FAH: variants seen among roughly 807,000 people sequenced by gnomAD.
The protein encoded by FAH is fumarylacetoacetase.
A neutral mutation model predicts 55.8 loss-of-function variants in FAH; 47 were observed. That is an observed-to-expected ratio of 0.84 (90% CI 0.67 to 1.07). The LOEUF is 1.07. Among genes scored for constraint, FAH ranks in the 50% least tolerant of loss-of-function variants. FAH has a pLI of 0.00. For synonymous variants in FAH, 199 were observed against 207.7 expected (o/e 0.96, Z 0.36); for missense variants, 495 against 545.9 (o/e 0.91, Z 0.93).
intron 13 of FAH, among the ~76,000 whole-genome samples, chr15:80,184,755 A>C (rs565150810): frequency 1.3e-5 from 2 of 152,314 alleles, no homozygotes; most frequent in South Asian, 2.1e-4. Flanking sequence ...GGACAGCCTC[A>C]CTGAACAGAT....
At position 80,165,700 on chromosome 15, in the gene FAH, C is replaced by T. The variant is rs2142096172; in HGVS notation, c.456-2352C>T. On this transcript the variant is annotated intron_variant, in intron 5 of 13. Coordinates refer to ENST00000561421, the MANE Select transcript of FAH (RefSeq NM_000137.4). ...ACAGAGCGAGACTCTGTCTCAAACCCCACCCCCCACCAAAAAAAAAAAAAG... is the reference window on the plus strand; with the variant it reads ...ACAGAGCGAGACTCTGTCTCAAACCTCACCCCCCACCAAAAAAAAAAAAAG... Among the ~76,000 whole-genome samples, 5 of 151,140 alleles carry T rather than the reference C, an allele frequency of 3.3e-5. No homozygotes were observed. The Middle Eastern group carries it at 0.01, about 308-fold the overall frequency.
intron 9 of FAH, 23 bp from the exon 10 acceptor site, chr15:80,174,993 T>C: frequency 6.2e-7 from 1 of 1,612,782 alleles, no homozygotes; most frequent in Non-Finnish European, 8.5e-7. Flanking sequence ...CAGTGACCTC[T>C]GTGCTGTGCT....
At chr15:80,166,113 A>G (rs2041189483) in intron 5 of FAH, 1 of 152,052 alleles carries the variant, frequency 6.6e-6, no homozygotes, top group Non-Finnish European at 1.5e-5. Context: ...AATCGGTGTC[A>G]TACATATATT....
At chr15:80,159,550 C>G (rs1312948810) in intron 2 of FAH, among the ~76,000 whole-genome samples, 1 of 152,094 alleles carries the variant, frequency 6.6e-6, no homozygotes, top group Non-Finnish European at 1.5e-5. Context: ...TGCAGGTGCA[C>G]GAGGGCCTGA....
intron 2 of FAH, among the ~76,000 whole-genome samples, chr15:80,158,392 G>C (rs977885160): frequency 1.3e-5 from 2 of 152,174 alleles, no homozygotes; most frequent in Non-Finnish European, 2.9e-5. Context: ...GAGTTCCTAG[G>C]TGAAAAAAGT....
At chr15:80,180,805 A>T (rs973158851) in intron 12 of FAH, among the ~76,000 whole-genome samples, 1 of 152,136 alleles carries the variant, frequency 6.6e-6, no homozygotes, top group African/African-American at 2.4e-5. Flanking sequence ...GGATTCACTG[A>T]TTCCTAAACA....
chr15:80,184,060 G>A (rs1264514720), intron 13 of FAH, among the ~76,000 whole-genome samples: 2 of 152,198 alleles, frequency 1.3e-5, no homozygotes, highest in East Asian at 3.9e-4. Context: ...AAAAATCTCT[G>A]ATCGTCTTGG....
chr15:80,162,645 T>A, intron 5 of FAH: 1 of 435,152 alleles, frequency 2.3e-6, no homozygotes, highest in Non-Finnish European at 4.3e-6. Flanking sequence ...TATTGTACTA[T>A]GGGCAAGTCT....
chr15:80,175,661 C>T (rs1051681345), intron 10 of FAH, among the ~76,000 whole-genome samples: 13 of 152,360 alleles, frequency 8.5e-5, no homozygotes, highest in East Asian at 3.9e-4. Flanking sequence ...CCCGCCTCCG[C>T]GAACAGGCCC....
At chr15:80,174,128 C>T (rs1005093990) in intron 9 of FAH, among the ~76,000 whole-genome samples, 41 of 152,190 alleles carry the variant, frequency 2.7e-4, no homozygotes, top group African/African-American at 9.4e-4. Context: ...CCACAGCACC[C>T]CCTGCCCACC....
In FAH at chr15:80,172,178, G is replaced by A. The variant is rs765723844; in HGVS notation, c.636G>A (p.Leu212=). The change falls in exon 8 of 14, where the codon TTG becomes TTA. Residue 212 remains leucine, a synonymous_variant. Coordinates refer to ENST00000561421, the MANE Select transcript of FAH (RefSeq NM_000137.4). The stretch of plus-strand genomic sequence containing the variant: ...TTTTTGTAGGCCCTGGAAACAGATT[G>A]GGAGAGCCGATCCCCATTTCCAAGG... ...MAFFVGPGNR[L]GEPIPISKAH... 1 of 1,614,094 alleles carries A rather than the reference G, an allele frequency of 6.2e-7. No individual in the cohort carries two copies. Among genetic ancestry groups the A allele is most frequent in the South Asian group, 1.1e-5 (1 of 91,068 alleles).
chr15:80,160,948 TC>T (rs1567115361), intron 4 of FAH, among the ~76,000 whole-genome samples: 1 of 152,192 alleles, frequency 6.6e-6, no homozygotes, highest in East Asian at 1.9e-4. Context: ...ACAGCCCTCT[TC>T]CTTGTGCACA....
chr15:80,173,235 CCAT>C, intron 9 of FAH, 91 bp downstream of exon 9: 1 of 1,550,892 alleles, frequency 6.4e-7, no homozygotes, highest in Non-Finnish European at 8.9e-7. Context: ...GGCATGCAGA[CCAT>C]CAGGAGGGAA....
intron 4 of FAH, among the ~76,000 whole-genome samples, chr15:80,161,237 T>G (rs1397347481): frequency 1.3e-5 from 2 of 152,084 alleles, no homozygotes; most frequent in African/African-American, 2.4e-5. Flanking sequence ...CTTTCAGGGA[T>G]ATCATGTCTG....
intron 1 of FAH, 53 bp downstream of exon 1, chr15:80,153,188 G>C: frequency 9.4e-7 from 1 of 1,064,270 alleles, no homozygotes; most frequent in Non-Finnish European, 1.4e-6. Flanking sequence ...GAGTGGAGTG[G>C]AGTGGAGTGG....
intron 5 of FAH, chr15:80,166,430 G>T (rs376230108): frequency 6.6e-6 from 1 of 152,014 alleles, no homozygotes; most frequent in Admixed American, 6.6e-5. Flanking sequence ...CACCGTGCCC[G>T]GCCTTCTTAT....
chr15:80,166,603 C>A (rs2041193631), intron 5 of FAH, among the ~76,000 whole-genome samples: 1 of 150,878 alleles, frequency 6.6e-6, no homozygotes, highest in African/African-American at 2.4e-5. Flanking sequence ...TCTTTGTTTG[C>A]CAGTCTTTCT....
At chr15:80,173,407 A>C (rs1040645404) in intron 9 of FAH, 7 of 562,740 alleles carry the variant, frequency 1.2e-5, no homozygotes, top group East Asian at 3.2e-5. Flanking sequence ...ATCTTGCAAG[A>C]CCCGGGGGAT....
intron 9 of FAH, chr15:80,173,349 G>A (rs920286758): frequency 3.0e-6 from 2 of 675,060 alleles, no homozygotes; most frequent in East Asian, 5.4e-5. Context: ...GGTTTCCCTG[G>A]CCCTGGCACA....
Sources: allele counts gnomAD v4.1 joint callset (sites outside exome capture counted in the v4.1 genomes callset), GRCh38; gene constraint gnomAD v4.1.1; transcripts MANE v1.5; gene names NCBI Gene and HGNC (gene_info 2026-07-23, HGNC 2026-07-21).